The following AKAP12 variants were observed in gnomAD, a reference collection of about 807,000 sequenced individuals.
AKAP12 encodes the protein A-kinase anchor protein 12.
Under a neutral mutation model 79.9 loss-of-function variants are expected in AKAP12, and 32 were observed. The observed-to-expected ratio is 0.40, with a 90% CI of 0.30 to 0.54. The LOEUF (loss-of-function observed/expected upper bound fraction) is 0.54. Ranked by LOEUF, AKAP12 falls within the 20% of genes least tolerant of loss-of-function variation. The pLI is 0.48. For missense variants in AKAP12, 2,074 were observed against 2,177.0 expected (o/e 0.95, Z 0.94); for synonymous variants, 808 against 857.0 (o/e 0.94, Z 1.00).
chr6:151,303,091 G>C (rs866792897), intron 2 of AKAP12, among the ~76,000 whole-genome samples: 1 of 152,282 alleles, frequency 6.6e-6, no homozygotes, highest in East Asian at 1.9e-4. Context: ...TACTCGGGAG[G>C]CTGAGGCAGA....
At chr6:151,317,388 T>G (rs1343411488) in intron 3 of AKAP12, among the ~76,000 whole-genome samples, 8 of 152,234 alleles carry the variant, frequency 5.3e-5, no homozygotes, top group Non-Finnish European at 8.8e-5. Context: ...TGAAAACATT[T>G]ATCATGTCTT....
intron 2 of AKAP12, among the ~76,000 whole-genome samples, chr6:151,291,635 C>T (rs1245409403): frequency 2.0e-5 from 3 of 152,182 alleles, no homozygotes; most frequent in Non-Finnish European, 4.4e-5. Flanking sequence ...TAAGCACACA[C>T]GTCAGAGAAA....
chr6:151,291,655 A>G lies in AKAP12; in HGVS notation c.163-14092A>G, dbSNP rs149667242. Among the ~76,000 whole-genome samples the G allele has an allele frequency of 1.1e-4, 16 of 152,350 alleles. No homozygotes were observed. In the East Asian group the frequency reaches 2.5e-3, roughly 24 times the overall value. On this transcript the variant is annotated intron_variant, in intron 2 of 4. Transcript: ENST00000402676. ...ACACACGTCAGAGAAAGCCATTTCA[A>G]TTTATCATTTTAATTTTGCTATTAA...
chr6:151,263,039 G>A (rs535465191), intron 2 of AKAP12, among the ~76,000 whole-genome samples: 7 of 152,044 alleles, frequency 4.6e-5, no homozygotes, highest in African/African-American at 1.7e-4. Context: ...TCCTTTTCGG[G>A]GGTTATTTTG....
rs148923114 is a variant in AKAP12 at position 151,349,888 on chromosome 6, G to A, written c.1497G>A (p.Glu499=). ...AACCCCCCGAAGGCGTTGTGAGTGA[G>A]GTGGAAATGCTGTCATCACAGGAGA... ...LSKPPEGVVS[E]VEMLSSQERM... is the part of the protein sequence containing the mutation. The change falls in exon 4 of 5, where the codon GAG becomes GAA. Residue 499 remains glutamate (E), a synonymous_variant. Coordinates refer to ENST00000402676, the MANE Select transcript of AKAP12 (RefSeq NM_005100.4). The A allele has an allele frequency of 3.6e-5, 58 of 1,614,060 alleles. No homozygotes were observed. The highest frequency in any genetic ancestry group is 4.7e-5 in the Non-Finnish European group (56 of 1,180,056).
chr6:151,248,914 G>A (rs1797125337), intron 2 of AKAP12, among the ~76,000 whole-genome samples: 2 of 152,192 alleles, frequency 1.3e-5, no homozygotes, highest in South Asian at 4.1e-4. Context: ...TTGAACCTAG[G>A]AGGTGGAGGT....
intron 2 of AKAP12, among the ~76,000 whole-genome samples, chr6:151,251,913 C>T (rs953834941): frequency 6.6e-6 from 1 of 152,150 alleles, no homozygotes; most frequent in African/African-American, 2.4e-5. Flanking sequence ...ACGAGAAACC[C>T]TTGAACCCGG....
chr6:151,315,514 A>C (rs116337855), intron 3 of AKAP12, among the ~76,000 whole-genome samples: 3,000 of 152,276 alleles, frequency 0.02, 103 homozygotes, highest in African/African-American at 0.068. Flanking sequence ...TTTTGTGGGG[A>C]GGGACACAAA....
chr6:151,306,012 A>C, intron 3 of AKAP12, 109 bp downstream of exon 3: 1 of 1,155,526 alleles, frequency 8.7e-7, no homozygotes, highest in Non-Finnish European at 1.2e-6. Context: ...TGTTAACAGC[A>C]AAAACAATCA....
intron 2 of AKAP12, among the ~76,000 whole-genome samples, chr6:151,277,949 T>TAC (rs1776316847): frequency 1.8e-5 from 2 of 111,824 alleles, no homozygotes; most frequent in Non-Finnish European, 3.7e-5. Flanking sequence ...GGTTTATGTG[T>TAC]GTGTGTGTGT....
chr6:151,254,359 C>CTT (rs72424619), intron 2 of AKAP12, among the ~76,000 whole-genome samples: 34 of 150,452 alleles, frequency 2.3e-4, no homozygotes, highest in South Asian at 1.3e-3. Flanking sequence ...TTAGATTAGT[C>CTT]TTTTTTGTTT....
Position 151,351,097 on chromosome 6 carries a change from A to G in AKAP12, c.2706A>G (p.Ala902=). Residue 902 remains alanine, a synonymous_variant, in exon 4 of 5, where the codon GCA becomes GCG. Coordinates refer to ENST00000402676, the MANE Select transcript of AKAP12 (RefSeq NM_005100.4). The surrounding 1 kb of genome is among the most constrained non-coding windows in gnomAD (Gnocchi z 4.4). The part of the protein sequence containing the change: ...MAAAVADGTR[A]ATIIEERSPS... ...CAGCTGTCGCTGACGGGACGAGGGC[A>G]GCTACCATTATTGAAGAAAGGTCTC... The G allele has an allele frequency of 6.2e-7, 1 of 1,614,226 alleles. No individual in the cohort carries two copies. Among genetic ancestry groups the G allele is most frequent in the Non-Finnish European group, 8.5e-7 (1 of 1,180,050 alleles).
chr6:151,281,128 G>T (rs1406527896), intron 2 of AKAP12, among the ~76,000 whole-genome samples: 1 of 152,162 alleles, frequency 6.6e-6, no homozygotes, highest in East Asian at 1.9e-4. Context: ...AGTAGAAGGG[G>T]CATGTGCGTG....
chr6:151,305,171 T>G (rs1447793192), intron 2 of AKAP12, among the ~76,000 whole-genome samples: 1 of 105,578 alleles, frequency 9.5e-6, no homozygotes, highest in Non-Finnish European at 1.7e-5. Context: ...TCAGGGCTGT[T>G]TTTTTTTTTT....
Position 151,309,450 on chromosome 6 carries a change from G to T in AKAP12, c.319+3547G>T, listed in dbSNP as rs568758310. Among the ~76,000 whole-genome samples the T allele has an allele frequency of 3.9e-5, 6 of 152,256 alleles. No homozygotes were observed. In the East Asian group the frequency reaches 9.6e-4, roughly 24 times the overall value. On this transcript the variant is annotated intron_variant, in intron 3 of 4. Transcript: ENST00000402676. Reference sequence around the variant, plus strand: ...GAACAAGGGCCATTCCTACTGGAGGGTTTTTACTTTACAGTGGCAGACAAA... The same window carrying T: ...GAACAAGGGCCATTCCTACTGGAGGTTTTTTACTTTACAGTGGCAGACAAA...
At chr6:151,261,834 T>C (rs946029196) in intron 2 of AKAP12, among the ~76,000 whole-genome samples, 33 of 150,698 alleles carry the variant, frequency 2.2e-4, no homozygotes, top group African/African-American at 7.0e-4. Flanking sequence ...CTCGGCTCAC[T>C]GCAACCTCCT....
Position 151,349,261 on chromosome 6 carries a change from T to A in AKAP12, c.870T>A (p.Ser290Arg), listed in dbSNP as rs372605345. Residue 290 changes from serine (S) to arginine (R), a missense_variant, in exon 4 of 5, where the codon AGT (serine) becomes AGA (arginine). Coordinates refer to ENST00000402676, the MANE Select transcript of AKAP12 (RefSeq NM_005100.4). ...AATCTCCGACTAGTCCCGTGACCAG[T>A]GAAACAGGATCAACCTTCAAAAAAT... ...SAESPTSPVT[S>R]ETGSTFKKFF... 3.1e-6 allele frequency: 5 copies of A among 1,613,148 alleles called. No homozygotes were observed. Among genetic ancestry groups the A allele is most frequent in the Non-Finnish European group, 4.2e-6 (5 of 1,179,834 alleles).
At position 151,353,215 on chromosome 6, in the gene AKAP12, A is replaced by C; in HGVS notation, c.4824A>C (p.Glu1608Asp). 1.9e-6 allele frequency: 3 copies of C among 1,614,206 alleles called. No individual in the cohort carries two copies. The highest frequency in any genetic ancestry group is 2.2e-5 in the East Asian group (1 of 44,886). ...GEEPQASAQD[E>D]TPITSAKEES... is the part of the protein sequence containing the mutation. ...AACCTCAGGCCTCTGCACAGGATGAAACACCAATTACTTCAGCCAAAGAGG... is the reference window on the plus strand; with the variant it reads ...AACCTCAGGCCTCTGCACAGGATGACACACCAATTACTTCAGCCAAAGAGG... Residue 1608 changes from glutamate to aspartate, a missense_variant, in exon 4 of 5, where the codon GAA becomes GAC. Transcript: ENST00000402676.
intron 3 of AKAP12, among the ~76,000 whole-genome samples, chr6:151,328,361 G>A (rs927160610): frequency 2.0e-5 from 3 of 148,844 alleles, no homozygotes; most frequent in African/African-American, 5.0e-5. Context: ...TAAGGTGGCC[G>A]GGCGCGGCGG....
Sources: gnomAD v4.1 joint callset for allele counts (sites outside exome capture counted in the v4.1 genomes callset) on GRCh38, gnomAD v4.1.1 for gene constraint, Gnocchi (gnomAD v3.1) non-coding constraint, MANE v1.5 for transcripts, NCBI Gene and HGNC (gene_info 2026-07-23, HGNC 2026-07-21) for gene names.